PDE1C: variants seen among roughly 807,000 people sequenced by gnomAD.
PDE1C encodes phosphodiesterase 1C, also known as dual specificity calcium/calmodulin-dependent 3',5'-cyclic nucleotide phosphodiesterase 1C.
A neutral mutation model predicts 93.1 loss-of-function variants in PDE1C; 62 were observed. The observed-to-expected ratio is 0.67, with a 90% CI of 0.54 to 0.82. The LOEUF is 0.82. PDE1C is among the 40% of genes least tolerant of loss of function. PDE1C has a pLI of 0.00. For missense variants in PDE1C, 742 were observed against 884.6 expected (o/e 0.84, Z 2.04); for synonymous variants, 325 against 310.1 (o/e 1.05, Z -0.50).
intron 2 of PDE1C, among the ~76,000 whole-genome samples, chr7:32,024,549 C>A (rs982061120): frequency 6.6e-6 from 1 of 151,948 alleles, no homozygotes; most frequent in African/African-American, 2.4e-5. Context: ...CACTCTCTTA[C>A]TCTTTCTTAT....
chr7:32,035,943 A>G (rs1271852195), intron 2 of PDE1C, among the ~76,000 whole-genome samples: 1 of 152,088 alleles, frequency 6.6e-6, no homozygotes, highest in East Asian at 1.9e-4. Context: ...TTTCATCTTG[A>G]CCCCCTTGGA....
chr7:31,622,676 C>A, the PDE1C span, among the ~76,000 whole-genome samples: 1 of 151,808 alleles, frequency 6.6e-6, no homozygotes, highest in Admixed American at 6.6e-5. Context: ...AAATTGACAC[C>A]CTAACATCAC....
rs75558352 is a variant in PDE1C at position 32,396,764 on chromosome 7, G to A, written c.310+31058C>T. Among the ~76,000 whole-genome samples, 14 of 152,092 alleles carry A rather than the reference G, an allele frequency of 9.2e-5. No individual in the cohort carries two copies. The South Asian group carries it at 1.2e-3, about 13-fold the overall frequency. ...CTGGTGCCAAAAAAATAAAAACAAC[G>A]TGAAACCAGCATAAGAATAAATCAC... is the stretch of plus-strand genomic sequence containing the variant. On this transcript the variant is annotated intron_variant, in intron 1 of 1. Transcript: ENST00000672256.
At chr7:32,126,186 A>G (rs1430682595) in intron 3 of PDE1C, among the ~76,000 whole-genome samples, 1 of 149,858 alleles carries the variant, frequency 6.7e-6, no homozygotes, top group Non-Finnish European at 1.5e-5. Context: ...AATCACAGAA[A>G]CCCAATCCAC....
At chr7:32,201,087 C>T (rs1214561558) in intron 2 of PDE1C, among the ~76,000 whole-genome samples, 1 of 152,254 alleles carries the variant, frequency 6.6e-6, no homozygotes. Context: ...ATGTTAACAG[C>T]TTACCGTACT....
chr7:32,060,705 G>T (rs917546366), intron 1 of PDE1C, among the ~76,000 whole-genome samples: 1 of 132,182 alleles, frequency 7.6e-6, no homozygotes, highest in Non-Finnish European at 1.8e-5. Context: ...TGCTTTGAAC[G>T]ATTCTTTCAT....
upstream of PDE1C, among the ~76,000 whole-genome samples, chr7:32,301,085 G>A (rs143238505): frequency 3.5e-3 from 538 of 152,186 alleles, 4 homozygotes; most frequent in African/African-American, 0.012. Flanking sequence ...GTCACCCTCT[G>A]CCTCCATCTC....
At chr7:32,279,704 G>A in intron 1 of PDE1C, among the ~76,000 whole-genome samples, 1 of 151,942 alleles carries the variant, frequency 6.6e-6, no homozygotes, top group East Asian at 1.9e-4. Flanking sequence ...AGAAAATGCT[G>A]ATATGCCAGA....
chr7:32,027,436 G>C (rs111647199), intron 2 of PDE1C, among the ~76,000 whole-genome samples: 5 of 151,980 alleles, frequency 3.3e-5, no homozygotes, highest in African/African-American at 1.2e-4. Flanking sequence ...GTGGGTTTCT[G>C]TTTGTTTGTG....
At chr7:32,145,005 T>C (rs1009581792) in intron 3 of PDE1C, among the ~76,000 whole-genome samples, 1 of 152,350 alleles carries the variant, frequency 6.6e-6, no homozygotes, top group African/African-American at 2.4e-5. Flanking sequence ...CACAGACTTC[T>C]GCTCCCTAAT....
At chr7:32,215,827 G>C (rs765132477) in intron 1 of PDE1C, among the ~76,000 whole-genome samples, 1 of 152,338 alleles carries the variant, frequency 6.6e-6, no homozygotes, top group Non-Finnish European at 1.5e-5. Context: ...AACACAGCTG[G>C]AGTCCTGGGT....
At chr7:32,083,018 G>C (rs1290905129) in intron 3 of PDE1C, among the ~76,000 whole-genome samples, 2 of 151,258 alleles carry the variant, frequency 1.3e-5, no homozygotes, top group Admixed American at 1.3e-4. Context: ...ACTTTGACGA[G>C]TTGAGAGAAG....
At chr7:32,116,754 C>A (rs1415868053) in intron 3 of PDE1C, among the ~76,000 whole-genome samples, 1 of 152,130 alleles carries the variant, frequency 6.6e-6, no homozygotes. Flanking sequence ...CTTGTCAGTC[C>A]ACATTCCCTA....
chr7:32,097,129 G>C (rs1158503918), intron 3 of PDE1C, among the ~76,000 whole-genome samples: 1 of 152,140 alleles, frequency 6.6e-6, no homozygotes, highest in Admixed American at 6.5e-5. Context: ...GTTCTATTTA[G>C]ATCTTCAGTT....
chr7:32,311,276 A>T (rs1783033304), intron 1 of PDE1C, among the ~76,000 whole-genome samples: 1 of 152,166 alleles, frequency 6.6e-6, no homozygotes, highest in Non-Finnish European at 1.5e-5. Flanking sequence ...TTACCAACCA[A>T]AAAAAAGTCC....
intron 2 of PDE1C, among the ~76,000 whole-genome samples, chr7:32,206,213 G>A (rs542676901): frequency 4.6e-5 from 7 of 152,220 alleles, no homozygotes; most frequent in South Asian, 2.1e-4. Flanking sequence ...GATATATTCT[G>A]GGGGGATTTG....
At chr7:31,622,493 A>G in the PDE1C span, among the ~76,000 whole-genome samples, 138,835 of 148,546 alleles carry the variant, frequency 0.93, 65,191 homozygotes, top group East Asian at 0.99. Flanking sequence ...TGAACAACCT[A>G]CTCCTGAATG....
chr7:32,259,869 T>C (rs185714043), intron 1 of PDE1C, among the ~76,000 whole-genome samples: 73 of 152,236 alleles, frequency 4.8e-4, no homozygotes, highest in African/African-American at 1.7e-3. Flanking sequence ...CACATTCACT[T>C]CTCAAAACCT....
chr7:32,096,864 C>T (rs2392023), intron 3 of PDE1C, among the ~76,000 whole-genome samples: 89,481 of 130,860 alleles, frequency 0.68, 27,809 homozygotes, highest in Middle Eastern at 0.75. Flanking sequence ...GATAGATAGA[C>T]AGACAGATCA....
Sources: allele counts gnomAD v4.1 joint callset (sites outside exome capture counted in the v4.1 genomes callset), GRCh38; gene constraint gnomAD v4.1.1; transcripts MANE v1.5; gene names NCBI Gene and HGNC (gene_info 2026-07-23, HGNC 2026-07-21).